Variants in EXOC6B observed in about 807,000 individuals in gnomAD.
EXOC6B encodes SEC15 homolog B.
A neutral mutation model predicts 113.5 loss-of-function variants in EXOC6B; 54 were observed. That is an observed-to-expected ratio of 0.48 (90% CI 0.38 to 0.60). The LOEUF (loss-of-function observed/expected upper bound fraction) is 0.60. EXOC6B is among the 20% of genes least tolerant of loss of function. The pLI is 0.00. For missense variants in EXOC6B, 797 were observed against 977.5 expected, an observed-to-expected ratio of 0.82 and a Z score of 2.46; for synonymous variants, 357 against 339.0, an observed-to-expected ratio of 1.05 and a Z score of -0.58.
At chr2:72,374,354 CA>C (rs201323821) in intron 19 of EXOC6B, among the ~76,000 whole-genome samples, 8,013 of 151,916 alleles carry the variant, frequency 0.053, 293 homozygotes, top group Middle Eastern at 0.12. Flanking sequence ...TATTCAGCCA[CA>C]AAAAAAGAAT....
At chr2:72,446,115 C>A (rs961380753) in intron 18 of EXOC6B, among the ~76,000 whole-genome samples, 1 of 152,114 alleles carries the variant, frequency 6.6e-6, no homozygotes, top group Non-Finnish European at 1.5e-5. Context: ...AGCAGAACTA[C>A]CATTTGATCC....
intron 18 of EXOC6B, among the ~76,000 whole-genome samples, chr2:72,427,672 AGCAGCCTGG>A (rs1321723092): frequency 6.6e-6 from 1 of 152,094 alleles, no homozygotes; most frequent in Admixed American, 6.5e-5. Context: ...GAGCAGCCTG[AGCAGCCTGG>A]GTGCCATGGT....
chr2:72,188,929 A>G lies in EXOC6B; in HGVS notation c.2197-4742T>C, dbSNP rs1385133780. ...TCTTTCTCTTCACACACATACACCC[A>G]TGCATGTACACATATGCTATTTCTT... On this transcript the variant is annotated intron_variant, in intron 20 of 21. Coordinates refer to ENST00000272427, the MANE Select transcript of EXOC6B (RefSeq NM_015189.3). 2.6e-5 allele frequency among the ~76,000 whole-genome samples: 4 copies of G among 152,182 alleles called. 1 individual carries two copies. Among genetic ancestry groups the G allele is most frequent in the Admixed American group, 2.0e-4 (3 of 15,286 alleles).
chr2:72,701,932 T>A (rs80158876), intron 6 of EXOC6B, among the ~76,000 whole-genome samples: 1 of 152,002 alleles, frequency 6.6e-6, no homozygotes, highest in East Asian at 1.9e-4. Context: ...TTTTTTTTTT[T>A]AATTATACTT....
At chr2:72,458,710 T>C (rs909037326) in intron 18 of EXOC6B, among the ~76,000 whole-genome samples, 13 of 152,070 alleles carry the variant, frequency 8.5e-5, no homozygotes, top group South Asian at 2.1e-4. Context: ...TTATTTACAG[T>C]ACAGCCTTGC....
At chr2:72,423,685 T>A (rs1695036234) in intron 18 of EXOC6B, among the ~76,000 whole-genome samples, 1 of 152,160 alleles carries the variant, frequency 6.6e-6, no homozygotes, top group Non-Finnish European at 1.5e-5. Context: ...CTTTGTTTTG[T>A]CCTACAAACA....
chr2:72,787,920 A>G (rs1254039887), intron 1 of EXOC6B, among the ~76,000 whole-genome samples: 1 of 152,256 alleles, frequency 6.6e-6, no homozygotes, highest in Non-Finnish European at 1.5e-5. Flanking sequence ...CCATTCAGCT[A>G]TCAGAACTAG....
intron 17 of EXOC6B, among the ~76,000 whole-genome samples, chr2:72,478,726 G>T (rs74790803): frequency 0.02 from 3,085 of 152,288 alleles, 119 homozygotes; most frequent in African/African-American, 0.069. Context: ...CTGAACATAA[G>T]TTGAAAAGCT....
At chr2:72,631,447 TATATATATATATATAGAGAGAG>T (rs1672418793) in intron 6 of EXOC6B, among the ~76,000 whole-genome samples, 1 of 65,788 alleles carries the variant, frequency 1.5e-5, no homozygotes, top group African/African-American at 5.8e-5. Flanking sequence ...TATATATATA[TATATATATATATATAGAGAGAG>T]AGAGAGAGAG....
At chr2:72,705,717 G>GCA (rs770530136) in intron 6 of EXOC6B, among the ~76,000 whole-genome samples, 3,166 of 150,122 alleles carry the variant, frequency 0.021, 38 homozygotes, top group Non-Finnish European at 0.026. Flanking sequence ...TCATGCATGC[G>GCA]CACACACACA....
chr2:72,473,323 G>A (rs549524959), intron 17 of EXOC6B, among the ~76,000 whole-genome samples: 1 of 152,132 alleles, frequency 6.6e-6, no homozygotes, highest in Admixed American at 6.5e-5. Context: ...TTTTTATTTA[G>A]ATATGGCAAT....
chr2:72,550,861 A>C (rs1703171844), intron 8 of EXOC6B, among the ~76,000 whole-genome samples: 1 of 152,012 alleles, frequency 6.6e-6, no homozygotes, highest in African/African-American at 2.4e-5. Context: ...ACTGTGTCTA[A>C]CCATTAGCAT....
intron 6 of EXOC6B, among the ~76,000 whole-genome samples, chr2:72,636,706 A>G (rs1481222410): frequency 6.6e-6 from 1 of 152,212 alleles, no homozygotes; most frequent in Non-Finnish European, 1.5e-5. Context: ...AAATCTACAA[A>G]AACTTCATAG....
chr2:72,285,771 G>T (rs1685388059), intron 20 of EXOC6B, among the ~76,000 whole-genome samples: 1 of 151,710 alleles, frequency 6.6e-6, no homozygotes, highest in African/African-American at 2.4e-5. Context: ...AACATACAAA[G>T]AATTTTTAAA....
At chr2:72,370,371 G>A (rs140604684) in intron 19 of EXOC6B, among the ~76,000 whole-genome samples, 1,971 of 152,264 alleles carry the variant, frequency 0.013, 52 homozygotes, top group African/African-American at 0.045. Flanking sequence ...AACAGGTGCT[G>A]GAGAGGATGT....
intron 19 of EXOC6B, among the ~76,000 whole-genome samples, chr2:72,360,013 G>C (rs1266207996): frequency 6.6e-6 from 1 of 152,112 alleles, no homozygotes; most frequent in Non-Finnish European, 1.5e-5. Flanking sequence ...ATGAGATGCT[G>C]GCACCATGCT....
intron 2 of EXOC6B, among the ~76,000 whole-genome samples, chr2:72,735,745 G>C (rs1477416968): frequency 6.6e-6 from 1 of 152,050 alleles, no homozygotes; most frequent in Non-Finnish European, 1.5e-5. Flanking sequence ...GAACCGGGTG[G>C]GGGGACGTGG....
At position 72,739,615 on chromosome 2, in the gene EXOC6B, C is replaced by A. The variant is rs965888159; in HGVS notation, c.279+1689G>T. Among the ~76,000 whole-genome samples, 8 of 151,968 alleles carry A rather than the reference C, an allele frequency of 5.3e-5. No homozygotes were observed. In the East Asian group the frequency reaches 1.2e-3, roughly 22 times the overall value. On this transcript the variant is annotated intron_variant, in intron 2 of 21. Transcript: ENST00000272427. The stretch of plus-strand genomic sequence containing the variant: ...TGTCTCAAAATAATATAAATATTCA[C>A]CTATATTTTCTACTAGTTCTTTCAT...
chr2:72,443,547 A>G (rs1696362475), intron 18 of EXOC6B, among the ~76,000 whole-genome samples: 1 of 152,098 alleles, frequency 6.6e-6, no homozygotes, highest in Admixed American at 6.6e-5. Context: ...GTATTAGTTC[A>G]TTTTCATGCT....
Sources: gnomAD v4.1 joint callset for allele counts (sites outside exome capture counted in the v4.1 genomes callset) on GRCh38, gnomAD v4.1.1 for gene constraint, MANE v1.5 for transcripts, NCBI Gene and HGNC (gene_info 2026-07-23, HGNC 2026-07-21) for gene names.